The following NRG3 variants were observed in gnomAD, a reference collection of about 807,000 sequenced individuals.
The protein encoded by NRG3 is neuregulin 3, also known as pro-neuregulin-3, membrane-bound isoform.
NRG3 carries 31 observed loss-of-function variants against 66.9 expected under a neutral mutation model. The ratio of observed to expected loss-of-function variants is 0.46; its 90% CI spans 0.35 to 0.63. NRG3 has a LOEUF of 0.63. NRG3 is among the 20% of genes least tolerant of loss of function. The pLI, the probability that NRG3 is intolerant of heterozygous loss-of-function variation, is 0.00. For missense variants in NRG3, 910 were observed against 878.9 expected (o/e 1.04, Z -0.45); for synonymous variants, 393 against 359.4 (o/e 1.09, Z -1.06).
At chr10:82,596,265 A>G (rs538140672) in intron 2 of NRG3, among the ~76,000 whole-genome samples, 1 of 152,198 alleles carries the variant, frequency 6.6e-6, no homozygotes, top group Non-Finnish European at 1.5e-5. Context: ...TGCTTAAAGC[A>G]TGAGAAGTTG....
intron 2 of NRG3, among the ~76,000 whole-genome samples, chr10:82,606,966 C>T (rs1352225096): frequency 2.0e-5 from 3 of 152,248 alleles, no homozygotes; most frequent in African/African-American, 7.2e-5. Context: ...CATCACCCAT[C>T]TAGGCCCCTT....
At chr10:82,782,453 TA>T (rs1422277475) in intron 3 of NRG3, among the ~76,000 whole-genome samples, 2 of 151,434 alleles carry the variant, frequency 1.3e-5, no homozygotes, top group African/African-American at 2.4e-5. Context: ...TCTTTATAAA[TA>T]TTTATTTATA....
intron 1 of NRG3, among the ~76,000 whole-genome samples, chr10:82,348,686 C>T (rs1326976894): frequency 6.6e-6 from 1 of 150,518 alleles, no homozygotes; most frequent in Non-Finnish European, 1.5e-5. Flanking sequence ...TCCATTCTCC[C>T]CATCACTTTC....
At chr10:82,610,561 G>C (rs983111455) in intron 2 of NRG3, among the ~76,000 whole-genome samples, 6 of 152,118 alleles carry the variant, frequency 3.9e-5, no homozygotes, top group Non-Finnish European at 7.4e-5. Flanking sequence ...CAAGTGTCAA[G>C]CCCACTGGGA....
At position 82,090,323 on chromosome 10, in the gene NRG3, A is replaced by T. The variant is rs541169023; in HGVS notation, c.823+214160A>T. On this transcript the variant is annotated intron_variant, in intron 1 of 8. Coordinates refer to ENST00000372141, the MANE Select transcript of NRG3 (RefSeq NM_001010848.4). ...ATCTTGAATTAGAGTACACTGTTTT[A>T]TTGTTTATAGCTATCAGAAAGTTCT... Among the ~76,000 whole-genome samples, 4 of 152,324 alleles carry T rather than the reference A, an allele frequency of 2.6e-5. No individual in the cohort carries two copies. The South Asian group carries it at 6.2e-4, about 24-fold the overall frequency.
intron 1 of NRG3, among the ~76,000 whole-genome samples, chr10:82,287,530 GA>G (rs900600817): frequency 5.3e-5 from 8 of 151,864 alleles, no homozygotes; most frequent in African/African-American, 1.9e-4. Context: ...GGTCAAAGAA[GA>G]GGAGGTCTTT....
At chr10:82,292,037 A>T (rs1196879245) in intron 1 of NRG3, among the ~76,000 whole-genome samples, 1 of 152,188 alleles carries the variant, frequency 6.6e-6, no homozygotes, top group East Asian at 1.9e-4. Flanking sequence ...GAAAAAACAA[A>T]GTAAAGACTG....
chr10:82,183,133 C>G (rs12219279), intron 1 of NRG3, among the ~76,000 whole-genome samples: 4,764 of 151,972 alleles, frequency 0.031, 229 homozygotes, highest in East Asian at 0.14. Context: ...CATTTGCCTT[C>G]TTGAATCTGA....
chr10:82,007,060 C>T (rs1013758714), intron 1 of NRG3, among the ~76,000 whole-genome samples: 26 of 151,824 alleles, frequency 1.7e-4, no homozygotes, highest in African/African-American at 6.0e-4. Flanking sequence ...ATATATAGCT[C>T]GTTTGCTTAT....
intron 1 of NRG3, among the ~76,000 whole-genome samples, chr10:82,062,809 T>C (rs1211324590): frequency 6.6e-6 from 1 of 152,006 alleles, no homozygotes; most frequent in Non-Finnish European, 1.5e-5. Flanking sequence ...AACAAAAATG[T>C]GCTGAATCCA....
chr10:82,754,104 T>C (rs2134977834), intron 3 of NRG3, among the ~76,000 whole-genome samples: 1 of 152,144 alleles, frequency 6.6e-6, no homozygotes, highest in East Asian at 1.9e-4. Context: ...CCCAAGATCA[T>C]TTAATTAGTA....
At chr10:82,494,267 A>G (rs1350877587) in intron 2 of NRG3, among the ~76,000 whole-genome samples, 1 of 152,188 alleles carries the variant, frequency 6.6e-6, no homozygotes, top group Non-Finnish European at 1.5e-5. Context: ...AGAGAAGATA[A>G]TTAGTTTTTT....
At chr10:81,890,863 TTTAA>T (rs1360703336) in intron 1 of NRG3, among the ~76,000 whole-genome samples, 2 of 152,196 alleles carry the variant, frequency 1.3e-5, no homozygotes, top group African/African-American at 4.8e-5. Flanking sequence ...CAGTGATACT[TTTAA>T]ACTCAGACAC....
At chr10:82,529,967 C>T (rs995703984) in intron 2 of NRG3, among the ~76,000 whole-genome samples, 1 of 151,980 alleles carries the variant, frequency 6.6e-6, no homozygotes, top group African/African-American at 2.4e-5. Flanking sequence ...TTAAATGATG[C>T]CAGTTTTATA....
At chr10:82,284,925 A>T (rs932693694) in intron 1 of NRG3, among the ~76,000 whole-genome samples, 22 of 152,182 alleles carry the variant, frequency 1.4e-4, no homozygotes, top group African/African-American at 4.6e-4. Flanking sequence ...AGTAGACAGA[A>T]AAACATTACG....
chr10:82,132,481 T>TATATATATCATATATATATCATATATATC (rs1564593369), intron 1 of NRG3, among the ~76,000 whole-genome samples: 1 of 7,316 alleles, frequency 1.4e-4, no homozygotes, highest in Non-Finnish European at 3.6e-4. Context: ...ATATATATGA[T>TATATATATCATATATATATCATATATATC]ATATATATAT....
Position 82,322,119 on chromosome 10 carries a change from CTCTTATTT to C in NRG3, c.824-36618_824-36611del, listed in dbSNP as rs2081610742. 2.6e-5 allele frequency among the ~76,000 whole-genome samples: 4 copies of C among 152,132 alleles called. No homozygotes were observed. The South Asian group carries it at 8.3e-4, about 31-fold the overall frequency. On this transcript the variant is annotated intron_variant, in intron 1 of 8. Coordinates refer to ENST00000372141, the MANE Select transcript of NRG3 (RefSeq NM_001010848.4). ...GAATGGGTTGAATAAGTTGAGTCCA[CTCTTATTT>C]TTATGATCTAATGCATAGAGGCAAC... is the stretch of plus-strand genomic sequence containing the variant.
chr10:82,550,998 C>T (rs899176734), intron 2 of NRG3, among the ~76,000 whole-genome samples: 14 of 152,004 alleles, frequency 9.2e-5, no homozygotes, highest in African/African-American at 3.4e-4. Flanking sequence ...AAAATTAAAG[C>T]TTGCATTTCC....
chr10:82,829,505 T>G (rs1163001191), intron 3 of NRG3, among the ~76,000 whole-genome samples: 1 of 152,162 alleles, frequency 6.6e-6, no homozygotes. Flanking sequence ...TGAGGCATAG[T>G]AAACTATGAC....
Sources: gnomAD v4.1 joint callset for allele counts (sites outside exome capture counted in the v4.1 genomes callset) on GRCh38, gnomAD v4.1.1 for gene constraint, MANE v1.5 for transcripts, NCBI Gene and HGNC (gene_info 2026-07-23, HGNC 2026-07-21) for gene names.